The following RBFOX1 variants were observed in gnomAD, a reference collection of about 807,000 sequenced individuals.
The protein encoded by RBFOX1 is RNA binding fox-1 homolog 1, also known as RNA binding protein fox-1 homolog 1.
Under a neutral mutation model 57.7 loss-of-function variants are expected in RBFOX1, and 8 were observed. The ratio of observed to expected loss-of-function variants is 0.14; its 90% CI spans 0.08 to 0.25. The LOEUF is 0.25. Among genes scored for constraint, RBFOX1 ranks in the 10% least tolerant of loss-of-function variants. The pLI, the probability that RBFOX1 is intolerant of heterozygous loss-of-function variation, is 1.00. For synonymous variants in RBFOX1, 326 were observed against 222.4 expected, an observed-to-expected ratio of 1.47 and a Z score of -4.15; for missense variants, 611 against 548.5, an observed-to-expected ratio of 1.11 and a Z score of -1.14.
At chr16:6,856,818 A>T (rs144434735) in intron 3 of RBFOX1, among the ~76,000 whole-genome samples, 1 of 152,190 alleles carries the variant, frequency 6.6e-6, no homozygotes, top group Non-Finnish European at 1.5e-5. Context: ...AAGCATTGCG[A>T]TTGTCAAACC....
chr16:7,320,966 A>G (rs1433607342), intron 4 of RBFOX1, among the ~76,000 whole-genome samples: 1 of 152,186 alleles, frequency 6.6e-6, no homozygotes, highest in Non-Finnish European at 1.5e-5. Flanking sequence ...TTATGGCTTC[A>G]ATAGCTGAGT....
intron 4 of RBFOX1, among the ~76,000 whole-genome samples, chr16:7,242,144 A>T (rs937833077): frequency 6.6e-6 from 1 of 152,184 alleles, no homozygotes; most frequent in Non-Finnish European, 1.5e-5. Flanking sequence ...CTTGGCACAC[A>T]TGCGCACAGA....
chr16:5,707,106 A>T (rs1442460311), intron 3 of RBFOX1, among the ~76,000 whole-genome samples: 1 of 152,038 alleles, frequency 6.6e-6, no homozygotes, highest in African/African-American at 2.4e-5. Flanking sequence ...CCAAGTCAGG[A>T]TTTGGATTTT....
intron 3 of RBFOX1, among the ~76,000 whole-genome samples, chr16:6,957,284 A>T (rs2082070020): frequency 1.3e-5 from 2 of 151,778 alleles, no homozygotes. Context: ...GGTGCCCACC[A>T]CTGCGCCAGG....
chr16:6,153,939 C>G (rs780420129), intron 1 of RBFOX1, among the ~76,000 whole-genome samples: 10 of 152,148 alleles, frequency 6.6e-5, no homozygotes, highest in Non-Finnish European at 1.2e-4. Context: ...TGACCTCGTT[C>G]TAATTTTATC....
chr16:5,940,692 A>C (rs1250385702), intron 4 of RBFOX1, among the ~76,000 whole-genome samples: 1 of 152,248 alleles, frequency 6.6e-6, no homozygotes, highest in East Asian at 1.9e-4. Context: ...TCAGCAGAGC[A>C]GTTTCTAGGC....
chr16:7,236,386 G>A (rs1031720482), intron 4 of RBFOX1, among the ~76,000 whole-genome samples: 2 of 152,104 alleles, frequency 1.3e-5, no homozygotes, highest in East Asian at 1.9e-4. Context: ...CTAGAGGGGC[G>A]TACCCTCTTT....
intron 5 of RBFOX1, among the ~76,000 whole-genome samples, chr16:7,544,997 G>A (rs1247146409): frequency 1.3e-5 from 2 of 152,192 alleles, no homozygotes; most frequent in African/African-American, 4.8e-5. Flanking sequence ...TGAGTGAACA[G>A]AGCTGTTGTG....
intron 4 of RBFOX1, among the ~76,000 whole-genome samples, chr16:7,386,069 G>A (rs2097874042): frequency 6.6e-6 from 1 of 151,810 alleles, no homozygotes; most frequent in South Asian, 2.1e-4. Context: ...GATTGCAGGT[G>A]TGAGCCACCA....
chr16:7,375,814 T>A (rs2097675939), intron 4 of RBFOX1, among the ~76,000 whole-genome samples: 1 of 152,228 alleles, frequency 6.6e-6, no homozygotes, highest in African/African-American at 2.4e-5. Context: ...TAATCTACTT[T>A]GTAATTAAGA....
chr16:6,405,993 G>T lies in RBFOX1; in HGVS notation c.-64+88936G>T, dbSNP rs564457598. Among the ~76,000 whole-genome samples the T allele has an allele frequency of 2.0e-5, 3 of 152,276 alleles. No homozygotes were observed. In the South Asian group the frequency reaches 6.2e-4, roughly 32 times the overall value. On this transcript the variant is annotated intron_variant, in intron 2 of 15. Transcript: ENST00000550418. The stretch of plus-strand genomic sequence containing the variant: ...GATGCTCACATACTGTGTGCAGGAA[G>T]GTGAGAACGCAGAGGAATTAAGGAC...
At chr16:6,941,283 CCT>C (rs2078422703) in intron 3 of RBFOX1, among the ~76,000 whole-genome samples, 1 of 107,158 alleles carries the variant, frequency 9.3e-6, no homozygotes, top group African/African-American at 4.0e-5. Flanking sequence ...CCCTCCCTTC[CCT>C]CCTTCCCTCC....
chr16:6,385,975 G>T lies in RBFOX1; in HGVS notation c.-64+68918G>T, dbSNP rs568849214. ...TTTTGAGATGGAGTCTTGCTCTGTCGCCCAGGCTGGAGTGCAGTGGCGCGA... is the reference window on the plus strand; with the variant it reads ...TTTTGAGATGGAGTCTTGCTCTGTCTCCCAGGCTGGAGTGCAGTGGCGCGA... On this transcript the variant is annotated intron_variant, in intron 2 of 15. Transcript: ENST00000550418. Among the ~76,000 whole-genome samples, 5 of 144,902 alleles carry T rather than the reference G, an allele frequency of 3.5e-5. No individual in the cohort carries two copies. The South Asian group carries it at 1.1e-3, about 32-fold the overall frequency.
intron 3 of RBFOX1, among the ~76,000 whole-genome samples, chr16:6,778,462 A>G (rs552187709): frequency 1.3e-5 from 2 of 152,242 alleles, no homozygotes; most frequent in African/African-American, 4.8e-5. Context: ...ATGTTTCAGT[A>G]TGTATCTCTA....
intron 2 of RBFOX1, among the ~76,000 whole-genome samples, chr16:6,407,452 A>T (rs2795537): frequency 2.6e-5 from 4 of 151,660 alleles, no homozygotes; most frequent in Non-Finnish European, 2.9e-5. Flanking sequence ...ATTTTTATGT[A>T]TATCTATGTC....
chr16:7,028,097 C>G (rs2041526774), intron 3 of RBFOX1, among the ~76,000 whole-genome samples: 1 of 152,084 alleles, frequency 6.6e-6, no homozygotes, highest in Non-Finnish European at 1.5e-5. Flanking sequence ...TTGCCTGTTA[C>G]TTGGCACAGT....
chr16:7,402,575 G>A lies in RBFOX1; in HGVS notation c.28-115572G>A, dbSNP rs551642195. Among the ~76,000 whole-genome samples the A allele has an allele frequency of 5.9e-5, 9 of 152,300 alleles. No individual in the cohort carries two copies. The South Asian group carries it at 1.9e-3, about 32-fold the overall frequency. ...ATGTGAACTTTGGTAGTGGAAAGAT[G>A]ATTATTCCTTGGTTTCCAGATCCTT... On this transcript the variant is annotated intron_variant, in intron 4 of 15. Coordinates refer to ENST00000550418, the MANE Select transcript of RBFOX1 (RefSeq NM_018723.4).
intron 1 of RBFOX1, among the ~76,000 whole-genome samples, chr16:6,107,954 T>C (rs2096402195): frequency 6.6e-6 from 1 of 152,158 alleles, no homozygotes; most frequent in African/African-American, 2.4e-5. Context: ...CTTTCTTGCC[T>C]TATCAATTAA....
At chr16:5,315,730 A>T (rs2064218986) in intron 1 of RBFOX1, among the ~76,000 whole-genome samples, 1 of 152,152 alleles carries the variant, frequency 6.6e-6, no homozygotes, top group Admixed American at 6.5e-5. Flanking sequence ...TCATTATGGG[A>T]GTCTCAGTCC....
Sources: gnomAD v4.1 joint callset for allele counts (sites outside exome capture counted in the v4.1 genomes callset) on GRCh38, gnomAD v4.1.1 for gene constraint, MANE v1.5 for transcripts, NCBI Gene and HGNC (gene_info 2026-07-23, HGNC 2026-07-21) for gene names.